WDR48: variants seen among roughly 807,000 people sequenced by gnomAD.
WDR48 encodes the protein WD repeat domain 48.
WDR48 carries 22 observed loss-of-function variants against 94.0 expected under a neutral mutation model. The ratio of observed to expected loss-of-function variants is 0.23; its 90% confidence interval spans 0.17 to 0.33. The LOEUF (loss-of-function observed/expected upper bound fraction) is 0.33. Ranked by LOEUF, WDR48 falls within the 10% of genes least tolerant of loss-of-function variation. WDR48 has a pLI of 1.00. For missense variants in WDR48, 541 were observed against 813.8 expected, an observed-to-expected ratio of 0.66 and a Z score of 4.08; for synonymous variants, 278 against 280.5, an observed-to-expected ratio of 0.99 and a Z score of 0.09.
intron 10 of WDR48, among the ~76,000 whole-genome samples, chr3:39,078,741 G>T (rs1190071755): frequency 1.1e-5 from 1 of 92,998 alleles, no homozygotes; most frequent in African/African-American, 4.2e-5. Context: ...TTTAAAAAAT[G>T]CTGTTAATGG....
intron 16 of WDR48, chr3:39,091,258 G>A (rs1325612291): frequency 6.1e-6 from 1 of 164,656 alleles, no homozygotes; most frequent in African/African-American, 2.4e-5. Flanking sequence ...GAATGCTGTG[G>A]GTTTCTCTCA....
chr3:39,063,159 T>G lies in WDR48; in HGVS notation c.158T>G (p.Ile53Ser). ...CTTTTCACAGCCGGTCGAGACTCTA[T>G]CATAAGAATATGGAGTGTCAATCAG... Reference protein sequence around the residue: ...NRLFTAGRDSIIRIWSVNQHK... With the variant: ...NRLFTAGRDSSIRIWSVNQHK... Residue 53 changes from isoleucine to serine, a missense_variant, in exon 2 of 19, where the codon ATC (isoleucine) becomes AGC (serine). Ile to Ser is a moderately radical substitution (Grantham distance 142, BLOSUM62 -2). Transcript: ENST00000302313. The G allele has an allele frequency of 1.9e-6, 3 of 1,614,142 alleles. No homozygotes were observed. The highest frequency in any genetic ancestry group is 2.5e-6 in the Non-Finnish European group (3 of 1,179,990).
chr3:39,092,876 TACACAC>T (rs3033301), intron 17 of WDR48, among the ~76,000 whole-genome samples: 6 of 145,960 alleles, frequency 4.1e-5, no homozygotes, highest in East Asian at 2.0e-4. Flanking sequence ...CATCTCTGTC[TACACAC>T]ACACACACAC....
chr3:39,091,604 T>G, intron 16 of WDR48, 21 bp from the exon 17 acceptor site: 2 of 1,579,384 alleles, frequency 1.3e-6, no homozygotes, highest in Non-Finnish European at 1.7e-6. Flanking sequence ...TGTTATACCT[T>G]TTTAACTTTT....
At chr3:39,086,728 C>T (rs982065927) in intron 14 of WDR48, among the ~76,000 whole-genome samples, 4 of 152,206 alleles carry the variant, frequency 2.6e-5, no homozygotes, top group African/African-American at 7.2e-5. Context: ...GGGATACTCT[C>T]AGCCACCCAA....
intron 8 of WDR48, among the ~76,000 whole-genome samples, chr3:39,075,975 C>T (rs774141451): frequency 3.3e-5 from 5 of 152,088 alleles, no homozygotes; most frequent in Admixed American, 6.6e-5. Context: ...GTATTACAGG[C>T]GTGAGCCACC....
chr3:39,075,800 T>G (rs570025055), intron 8 of WDR48, among the ~76,000 whole-genome samples: 2 of 151,910 alleles, frequency 1.3e-5, no homozygotes, highest in African/African-American at 4.8e-5. Flanking sequence ...TTAATGCCAT[T>G]CTCCTGCCTC....
At chr3:39,062,976 G>C (rs886288834) in intron 1 of WDR48, 74 bp from the exon 2 acceptor site, 9 of 1,527,784 alleles carry the variant, frequency 5.9e-6, no homozygotes, top group Admixed American at 2.1e-5. Flanking sequence ...GTTTCAGATT[G>C]GCCACTAGTA....
At chr3:39,085,866 G>A (rs1020169375) in intron 14 of WDR48, among the ~76,000 whole-genome samples, 1 of 131,750 alleles carries the variant, frequency 7.6e-6, no homozygotes, top group African/African-American at 3.3e-5. Flanking sequence ...ATATTCAGAT[G>A]ACTTTTGTCT....
At chr3:39,084,131 A>G (rs2034685026) in intron 11 of WDR48, 24 bp from the exon 12 acceptor site, 1 of 1,574,488 alleles carries the variant, frequency 6.4e-7, no homozygotes, top group African/African-American at 1.3e-5. Context: ...AATATTGATC[A>G]TTATACTTTC....
At chr3:39,068,286 T>C (rs1326883201) in intron 5 of WDR48, among the ~76,000 whole-genome samples, 1 of 152,182 alleles carries the variant, frequency 6.6e-6, no homozygotes, top group Non-Finnish European at 1.5e-5. Context: ...ACTGAGAGTA[T>C]GAACATGATT....
intron 5 of WDR48, among the ~76,000 whole-genome samples, chr3:39,067,841 A>G (rs1009391641): frequency 1.3e-5 from 2 of 152,196 alleles, no homozygotes; most frequent in African/African-American, 2.4e-5. Flanking sequence ...AGGTCTCAAC[A>G]TTCTTTTTCC....
intron 8 of WDR48, 104 bp from the exon 9 acceptor site, chr3:39,077,035 C>A: frequency 2.3e-6 from 3 of 1,295,882 alleles, no homozygotes; most frequent in Non-Finnish European, 2.2e-6. Flanking sequence ...GGTATAGTCA[C>A]CACAATTGTT....
intron 9 of WDR48, among the ~76,000 whole-genome samples, chr3:39,077,838 T>C (rs2034307084): frequency 6.6e-6 from 1 of 152,254 alleles, no homozygotes; most frequent in Non-Finnish European, 1.5e-5. Context: ...ATTTTTTAAA[T>C]GTTGTATATC....
intron 1 of WDR48, 42 bp from the exon 2 acceptor site, chr3:39,063,008 G>C (rs781563430): frequency 3.0e-5 from 48 of 1,610,204 alleles, no homozygotes; most frequent in Non-Finnish European, 4.0e-5. Context: ...ATTACTGCAT[G>C]GCTTGTACTT....
chr3:39,059,827 T>TA (rs935080296), intron 1 of WDR48, among the ~76,000 whole-genome samples: 20 of 152,352 alleles, frequency 1.3e-4, no homozygotes, highest in Admixed American at 1.1e-3. Context: ...GCAGTTATTT[T>TA]AAAAAATTCT....
intron 6 of WDR48, among the ~76,000 whole-genome samples, chr3:39,069,295 G>C (rs1175217598): frequency 1.3e-5 from 2 of 152,112 alleles, no homozygotes. Context: ...CTTAAAGGGT[G>C]GTTTGAACAT....
At chr3:39,055,931 C>T (rs892904595) in intron 1 of WDR48, among the ~76,000 whole-genome samples, 5 of 152,176 alleles carry the variant, frequency 3.3e-5, no homozygotes, top group African/African-American at 1.2e-4. Context: ...TGCTCACTAC[C>T]GTATCCTCAG....
In WDR48 at chr3:39,078,156, A is replaced by G; in HGVS notation, c.992A>G (p.Asn331Ser). 6 of 1,612,074 alleles carry G rather than the reference A, an allele frequency of 3.7e-6. No individual in the cohort carries two copies. Among genetic ancestry groups the G allele is most frequent in the Non-Finnish European group, 5.1e-6 (6 of 1,179,112 alleles). ...TTTTAGACTTTGAAAGGAATTCATA[A>G]TTTTAGAGCCTCTGGAGATTATGAC... Reference protein sequence around the residue: ...VNKWTLKGIHNFRASGDYDND... With the variant: ...VNKWTLKGIHSFRASGDYDND... Residue 331 changes from asparagine to serine, a missense_variant, in exon 10 of 19, where the codon AAT (asparagine) becomes AGT (serine). Asn to Ser is a conservative substitution (Grantham distance 46). This residue lies in a region of WDR48 where 238 missense variants were observed against 285.3 expected (regional missense o/e 0.83). Coordinates refer to ENST00000302313, the MANE Select transcript of WDR48 (RefSeq NM_020839.4).
Sources: allele counts gnomAD v4.1 joint callset (sites outside exome capture counted in the v4.1 genomes callset), GRCh38; gene constraint gnomAD v4.1.1; regional missense constraint gnomAD v4.1.1; transcripts MANE v1.5; gene names NCBI Gene and HGNC (gene_info 2026-07-23, HGNC 2026-07-21).